ITGA9: variants seen among roughly 807,000 people sequenced by gnomAD.
ITGA9 encodes the protein integrin subunit alpha 9, also known as integrin alpha-9.
ITGA9 carries 56 observed loss-of-function variants against 127.8 expected under a neutral mutation model. The observed-to-expected ratio is 0.44, with a 90% CI of 0.35 to 0.55. ITGA9 has a LOEUF of 0.55. Ranked by LOEUF, ITGA9 falls within the 20% of genes least tolerant of loss-of-function variation. ITGA9 has a pLI of 0.00. For synonymous variants in ITGA9, 508 were observed against 514.5 expected (o/e 0.99, Z 0.17); for missense variants, 1,196 against 1,347.1 (o/e 0.89, Z 1.76).
chr3:37,568,232 T>C (rs1699567455), intron 15 of ITGA9, among the ~76,000 whole-genome samples: 1 of 152,268 alleles, frequency 6.6e-6, no homozygotes, highest in Non-Finnish European at 1.5e-5. Context: ...AGCTGTACCT[T>C]GGCCCCTTTT....
At chr3:37,543,164 A>G (rs527608479) in intron 15 of ITGA9, among the ~76,000 whole-genome samples, 11 of 152,160 alleles carry the variant, frequency 7.2e-5, no homozygotes, top group Non-Finnish European at 1.5e-5. Flanking sequence ...TTTGCTGCTA[A>G]TTCAGGAGGC....
chr3:37,461,480 C>T (rs1047392876), intron 1 of ITGA9, among the ~76,000 whole-genome samples: 1 of 152,172 alleles, frequency 6.6e-6, no homozygotes, highest in Admixed American at 6.5e-5. Flanking sequence ...ACACAGTAAG[C>T]CCTTGATAGA....
intron 23 of ITGA9, among the ~76,000 whole-genome samples, chr3:37,760,817 C>T (rs949738827): frequency 6.6e-6 from 1 of 152,062 alleles, no homozygotes; most frequent in African/African-American, 2.4e-5. Context: ...AAATTTAAAC[C>T]TATAAAAATG....
In ITGA9 at chr3:37,814,750, A is replaced by C. The variant is rs58176456; in HGVS notation, c.3010-4141A>C. Among the ~76,000 whole-genome samples, 114 of 152,288 alleles carry C rather than the reference A, an allele frequency of 7.5e-4. 4 individuals are homozygous for C. In the East Asian group the frequency reaches 0.019, roughly 26 times the overall value. Reference sequence around the variant, plus strand: ...ACACTCTACTGCCATCTGTTGGAAAACAGTTATAATAAACTTATACACATA... The same window carrying C: ...ACACTCTACTGCCATCTGTTGGAAACCAGTTATAATAAACTTATACACATA... On this transcript the variant is annotated intron_variant, in intron 27 of 27. Transcript: ENST00000264741. The surrounding 1 kb of genome is among the most constrained non-coding windows in gnomAD (Gnocchi z 4.3).
At chr3:37,615,459 A>G (rs1700064646) in intron 15 of ITGA9, among the ~76,000 whole-genome samples, 1 of 152,172 alleles carries the variant, frequency 6.6e-6, no homozygotes, top group Non-Finnish European at 1.5e-5. Context: ...AGGCTTTGGT[A>G]TCAGGATGAT....
chr3:37,781,175 C>T (rs1247068112), intron 25 of ITGA9, among the ~76,000 whole-genome samples: 3 of 152,260 alleles, frequency 2.0e-5, no homozygotes, highest in Non-Finnish European at 2.9e-5. Context: ...CTTTGGGGTG[C>T]AGTCTGAGGC....
At chr3:37,628,943 G>A (rs1196027095) in intron 15 of ITGA9, among the ~76,000 whole-genome samples, 1 of 152,178 alleles carries the variant, frequency 6.6e-6, no homozygotes, top group Non-Finnish European at 1.5e-5. Flanking sequence ...AGATGATTTA[G>A]CACCATGCAA....
At chr3:37,598,923 A>C (rs556711025) in intron 15 of ITGA9, among the ~76,000 whole-genome samples, 42 of 152,304 alleles carry the variant, frequency 2.8e-4, no homozygotes, top group African/African-American at 9.1e-4. Context: ...AGTTAAGCCC[A>C]GTGGGTGATG....
At chr3:37,780,223 T>C (rs536077721) in intron 25 of ITGA9, among the ~76,000 whole-genome samples, 18 of 152,366 alleles carry the variant, frequency 1.2e-4, no homozygotes, top group African/African-American at 4.3e-4. Flanking sequence ...ACTTCTTATA[T>C]GAATATATTG....
intron 15 of ITGA9, among the ~76,000 whole-genome samples, chr3:37,555,998 A>G (rs1226263149): frequency 6.6e-6 from 1 of 152,232 alleles, no homozygotes; most frequent in Non-Finnish European, 1.5e-5. Flanking sequence ...TTTGGGACAT[A>G]TTACAATATT....
chr3:37,479,331 CA>C (rs1054081920), intron 3 of ITGA9, among the ~76,000 whole-genome samples: 2 of 152,202 alleles, frequency 1.3e-5, no homozygotes, highest in African/African-American at 2.4e-5. Flanking sequence ...ATGTGGTTTG[CA>C]GCAGAAAAAA....
At chr3:37,481,384 C>G (rs73055204) in intron 3 of ITGA9, 100 bp from the exon 4 acceptor site, 8 of 1,512,032 alleles carry the variant, frequency 5.3e-6, no homozygotes, top group Non-Finnish European at 7.3e-6. Context: ...CTCTGCTCCT[C>G]TCTTCTCCCA....
chr3:37,552,629 GCTCT>G (rs1345744502), intron 15 of ITGA9, among the ~76,000 whole-genome samples: 1 of 152,094 alleles, frequency 6.6e-6, no homozygotes, highest in Non-Finnish European at 1.5e-5. Flanking sequence ...GACAAATAGC[GCTCT>G]CTTTCTCTCT....
At chr3:37,638,972 T>C (rs1307618776) in intron 16 of ITGA9, among the ~76,000 whole-genome samples, 1 of 152,186 alleles carries the variant, frequency 6.6e-6, no homozygotes, top group African/African-American at 2.4e-5. Context: ...GGTTCCAGGA[T>C]AGGGCTTTGG....
chr3:37,703,137 T>C (rs1700965742), intron 18 of ITGA9, among the ~76,000 whole-genome samples: 1 of 152,250 alleles, frequency 6.6e-6, no homozygotes. Flanking sequence ...CCCCCTTTTT[T>C]AATCAGTAAC....
chr3:37,453,121 C>CTG (rs1559510371), intron 1 of ITGA9, among the ~76,000 whole-genome samples: 12 of 141,160 alleles, frequency 8.5e-5, no homozygotes, highest in Non-Finnish European at 1.6e-4. Flanking sequence ...CGGCGCCCCC[C>CTG]CCCCCCCCCA....
At chr3:37,800,622 G>A (rs998667173) in intron 26 of ITGA9, among the ~76,000 whole-genome samples, 1 of 152,134 alleles carries the variant, frequency 6.6e-6, no homozygotes. Context: ...AGAAAATAGT[G>A]GATTTAGGAT....
At chr3:37,716,527 G>A (rs1701137359) in intron 18 of ITGA9, among the ~76,000 whole-genome samples, 1 of 150,692 alleles carries the variant, frequency 6.6e-6, no homozygotes, top group South Asian at 2.1e-4. Context: ...GAAGTAATCA[G>A]TAAATGGCCA....
In ITGA9 at chr3:37,606,060, C is replaced by G. The variant is rs563686083; in HGVS notation, c.1690-23127C>G. Among the ~76,000 whole-genome samples, 4 of 152,252 alleles carry G rather than the reference C, an allele frequency of 2.6e-5. No homozygotes were observed. The South Asian group carries it at 8.3e-4, about 32-fold the overall frequency. On this transcript the variant is annotated intron_variant, in intron 15 of 27. Transcript: ENST00000264741. Reference sequence around the variant, plus strand: ...CACCAGTCAGTGGTGCTCGCTAGTCCGGCAGATTGCTGTATTCTTGCACCC... The same window carrying G: ...CACCAGTCAGTGGTGCTCGCTAGTCGGGCAGATTGCTGTATTCTTGCACCC...
Sources: allele counts gnomAD v4.1 joint callset (sites outside exome capture counted in the v4.1 genomes callset), GRCh38; gene constraint gnomAD v4.1.1; non-coding constraint Gnocchi (gnomAD v3.1); transcripts MANE v1.5; gene names NCBI Gene and HGNC (gene_info 2026-07-23, HGNC 2026-07-21).